Variants in DLC1 observed in about 807,000 individuals in gnomAD.
DLC1 encodes the protein rho GTPase-activating protein 7.
DLC1 carries 54 observed loss-of-function variants against 140.3 expected under a neutral mutation model. That is an observed-to-expected ratio of 0.38 (90% CI 0.31 to 0.48). The LOEUF (loss-of-function observed/expected upper bound fraction) is 0.48, where lower values mean the gene tolerates loss of function less well. Ranked by LOEUF, DLC1 falls within the 20% of genes least tolerant of loss-of-function variation. The pLI is 0.96. For synonymous variants in DLC1, 986 were observed against 728.1 expected (o/e 1.35, Z -5.70); for missense variants, 2,536 against 1,907.0 (o/e 1.33, Z -6.14).
At chr8:13,443,954 G>A (rs1047883680) in intron 2 of DLC1, among the ~76,000 whole-genome samples, 50 of 152,154 alleles carry the variant, frequency 3.3e-4, no homozygotes, top group African/African-American at 1.1e-3. Flanking sequence ...GCAATATCCT[G>A]AAGCTATCTG....
At chr8:13,269,854 A>C (rs1479708849) in intron 5 of DLC1, among the ~76,000 whole-genome samples, 11 of 151,274 alleles carry the variant, frequency 7.3e-5, no homozygotes, top group Admixed American at 7.2e-4. Context: ...TCGGGAGATC[A>C]AGACCATCCT....
At chr8:13,593,697 T>A (rs1247639161) in intron 1 of DLC1, among the ~76,000 whole-genome samples, 1 of 152,128 alleles carries the variant, frequency 6.6e-6, no homozygotes, top group Non-Finnish European at 1.5e-5. Flanking sequence ...TGGGTTACTA[T>A]GAAAACAACC....
intron 4 of DLC1, among the ~76,000 whole-genome samples, chr8:13,389,698 A>T (rs923509556): frequency 2.6e-5 from 4 of 152,306 alleles, no homozygotes; most frequent in African/African-American, 9.6e-5. Context: ...AAAGAAAAAT[A>T]ATCTTACTGA....
intron 5 of DLC1, among the ~76,000 whole-genome samples, chr8:13,284,374 A>T (rs971813244): frequency 6.6e-6 from 1 of 152,150 alleles, no homozygotes; most frequent in African/African-American, 2.4e-5. Flanking sequence ...TAAAAATAGA[A>T]AAATTAGCTG....
chr8:13,104,453 A>G (rs1173407239), intron 7 of DLC1, among the ~76,000 whole-genome samples: 1 of 152,128 alleles, frequency 6.6e-6, no homozygotes, highest in African/African-American at 2.4e-5. Flanking sequence ...ACTATGAATG[A>G]CAGCCCTTCA....
At chr8:13,214,538 C>T in intron 5 of DLC1, 4 of 690,912 alleles carry the variant, frequency 5.8e-6, no homozygotes, top group South Asian at 1.7e-5. Flanking sequence ...GAAGAGCTGT[C>T]CCCCGGCCCC....
chr8:13,552,025 A>G (rs951863954), intron 1 of DLC1, among the ~76,000 whole-genome samples: 28 of 142,218 alleles, frequency 2.0e-4, no homozygotes, highest in African/African-American at 6.6e-4. Context: ...GTGTGTATAT[A>G]TATATGTGTG....
chr8:13,566,669 T>C (rs1804439314), intron 1 of DLC1, among the ~76,000 whole-genome samples: 1 of 152,094 alleles, frequency 6.6e-6, no homozygotes, highest in Non-Finnish European at 1.5e-5. Flanking sequence ...GTTTGCAAGG[T>C]TTTCCCGTTG....
intron 5 of DLC1, among the ~76,000 whole-genome samples, chr8:13,156,888 C>G (rs186104314): frequency 5.3e-5 from 8 of 152,186 alleles, no homozygotes; most frequent in African/African-American, 1.9e-4. Flanking sequence ...AGAATACATT[C>G]GGGATAGGCA....
At position 13,600,279 on chromosome 8, in the gene DLC1, A is replaced by G. The variant is rs561669891; in HGVS notation, c.-126+4258T>C. On this transcript the variant is annotated intron_variant, in intron 1 of 1. Coordinates refer to the DLC1 transcript ENST00000631382. ...TAAATTATCCCAAGGCATGGACTAT[A>G]TAGAATTCAACGATCAAAACTTTAA... Among the ~76,000 whole-genome samples the G allele has an allele frequency of 4.6e-5, 7 of 152,050 alleles. No individual in the cohort carries two copies. In the South Asian group the frequency reaches 1.5e-3, roughly 32 times the overall value.
chr8:13,372,248 T>G (rs965772267), intron 4 of DLC1, among the ~76,000 whole-genome samples: 1 of 152,192 alleles, frequency 6.6e-6, no homozygotes, highest in Non-Finnish European at 1.5e-5. Flanking sequence ...TAGAGGTTAT[T>G]CTAAAAGTCT....
intron 1 of DLC1, among the ~76,000 whole-genome samples, chr8:13,603,196 A>G (rs1275890249): frequency 6.6e-6 from 1 of 151,834 alleles, no homozygotes; most frequent in African/African-American, 2.4e-5. Context: ...ATCCATTTCT[A>G]TGTAGTGTTT....
At chr8:13,410,211 G>A (rs1209999994) in intron 2 of DLC1, among the ~76,000 whole-genome samples, 4 of 152,082 alleles carry the variant, frequency 2.6e-5, no homozygotes, top group African/African-American at 7.2e-5. Context: ...CTTTTAAGTG[G>A]CAAGGACTTA....
At chr8:13,451,323 G>A (rs1799048315) in intron 2 of DLC1, among the ~76,000 whole-genome samples, 1 of 152,064 alleles carries the variant, frequency 6.6e-6, no homozygotes, top group African/African-American at 2.4e-5. Flanking sequence ...TCACATACTG[G>A]AAAATTGGGC....
intron 1 of DLC1, among the ~76,000 whole-genome samples, chr8:13,561,159 G>T (rs1384560357): frequency 1.4e-5 from 2 of 145,756 alleles, no homozygotes; most frequent in South Asian, 2.2e-4. Flanking sequence ...TGCTCTGTCT[G>T]TCAACCAGGC....
At chr8:13,256,078 C>A (rs1336978223) in intron 5 of DLC1, among the ~76,000 whole-genome samples, 1 of 152,154 alleles carries the variant, frequency 6.6e-6, no homozygotes, top group Admixed American at 6.5e-5. Context: ...TACTGAATTT[C>A]CCAAGGTCTC....
rs150751900 is a variant in DLC1, at chr8:13,173,578, G to A, written c.1349-57921C>T. ...GCAGATACGGGGTTTCACTTTGGTG[G>A]CCAGAATGGCCTCGATCTCCTGACC... On this transcript the variant is annotated intron_variant, in intron 5 of 17. Transcript: ENST00000276297. 1.8e-3 allele frequency among the ~76,000 whole-genome samples: 270 copies of A among 152,238 alleles called. 1 individual carries two copies. Among genetic ancestry groups the A allele is most frequent in the African/African-American group, 5.5e-3 (230 of 41,556 alleles).
At chr8:13,561,148 T>C (rs1337797141) in intron 1 of DLC1, among the ~76,000 whole-genome samples, 2 of 150,912 alleles carry the variant, frequency 1.3e-5, no homozygotes, top group African/African-American at 4.9e-5. Flanking sequence ...GACAGAAATA[T>C]TGCTCTGTCT....
intron 2 of DLC1, among the ~76,000 whole-genome samples, chr8:13,449,494 C>T (rs1319577007): frequency 6.6e-6 from 1 of 152,102 alleles, no homozygotes; most frequent in African/African-American, 2.4e-5. Context: ...TTGGCAAACA[C>T]AAGACAGGAT....
Sources: gnomAD v4.1 joint callset for allele counts (sites outside exome capture counted in the v4.1 genomes callset) on GRCh38, gnomAD v4.1.1 for gene constraint, MANE v1.5 for transcripts, NCBI Gene and HGNC (gene_info 2026-07-23, HGNC 2026-07-21) for gene names.